Variants in SNTG1 observed in about 807,000 individuals in gnomAD.
SNTG1 encodes the protein syntrophin gamma 1.
Under a neutral mutation model 74.7 loss-of-function variants are expected in SNTG1, and 39 were observed. The observed-to-expected ratio is 0.52, with a 90% CI of 0.40 to 0.68. The LOEUF (loss-of-function observed/expected upper bound fraction) is 0.68. SNTG1 is among the 30% of genes least tolerant of loss of function. The probability of loss-of-function intolerance (pLI) is 0.00; values close to 1 mark genes in which losing one functional copy is unlikely to be tolerated. For synonymous variants in SNTG1, 254 were observed against 217.1 expected, an observed-to-expected ratio of 1.17 and a Z score of -1.49; for missense variants, 685 against 609.5, an observed-to-expected ratio of 1.12 and a Z score of -1.30.
intron 2 of SNTG1, among the ~76,000 whole-genome samples, chr8:50,175,047 A>C (rs2131674796): frequency 6.6e-6 from 1 of 152,086 alleles, no homozygotes; most frequent in Non-Finnish European, 1.5e-5. Flanking sequence ...TGAACTCATC[A>C]TTTTTTATGG....
At chr8:50,187,162 A>G (rs1235257282) in intron 2 of SNTG1, among the ~76,000 whole-genome samples, 1 of 152,160 alleles carries the variant, frequency 6.6e-6, no homozygotes, top group African/African-American at 2.4e-5. Flanking sequence ...TTAGAAAAAA[A>G]CTATTTTAAA....
chr8:50,515,519 C>T (rs897532282), intron 9 of SNTG1, among the ~76,000 whole-genome samples: 2 of 151,658 alleles, frequency 1.3e-5, no homozygotes, highest in African/African-American at 2.4e-5. Context: ...GCAGATCCCA[C>T]CCCCACGGAC....
intron 1 of SNTG1, among the ~76,000 whole-genome samples, chr8:50,093,654 G>T (rs1029947540): frequency 2.0e-5 from 3 of 151,988 alleles, no homozygotes; most frequent in Admixed American, 1.3e-4. Flanking sequence ...ATGGTCCCTT[G>T]TAAGACCTAC....
At chr8:50,706,811 A>G (rs1049295620) in intron 16 of SNTG1, among the ~76,000 whole-genome samples, 12 of 152,050 alleles carry the variant, frequency 7.9e-5, no homozygotes, top group African/African-American at 2.9e-4. Flanking sequence ...TTTTTCTTCT[A>G]TATTCTTAAT....
intron 4 of SNTG1, among the ~76,000 whole-genome samples, chr8:50,414,223 G>A (rs1206881293): frequency 3.3e-5 from 5 of 152,150 alleles, no homozygotes; most frequent in African/African-American, 4.8e-5. Context: ...TTCAGGTGAA[G>A]GGGCTATTAG....
chr8:50,579,578 C>T (rs2094597026), intron 12 of SNTG1, among the ~76,000 whole-genome samples: 1 of 152,128 alleles, frequency 6.6e-6, no homozygotes, highest in African/African-American at 2.4e-5. Context: ...CTGCTATGTG[C>T]ATCCCTGGGG....
chr8:50,677,876 A>G (rs183173806), intron 15 of SNTG1, among the ~76,000 whole-genome samples: 62 of 152,088 alleles, frequency 4.1e-4, no homozygotes, highest in African/African-American at 1.4e-3. Context: ...GAAATTAACA[A>G]TATTTTAACT....
intron 8 of SNTG1, among the ~76,000 whole-genome samples, chr8:50,494,707 T>C (rs184291034): frequency 2.0e-5 from 3 of 152,108 alleles, no homozygotes; most frequent in Non-Finnish European, 4.4e-5. Context: ...TACCTAATAA[T>C]GTATTTTACT....
At chr8:50,421,816 G>A (rs2093091621) in intron 4 of SNTG1, among the ~76,000 whole-genome samples, 1 of 152,106 alleles carries the variant, frequency 6.6e-6, no homozygotes, top group African/African-American at 2.4e-5. Flanking sequence ...ATACCTGGGA[G>A]CCTTCAGAAT....
intron 8 of SNTG1, among the ~76,000 whole-genome samples, chr8:50,494,596 A>C (rs2093887445): frequency 6.6e-6 from 1 of 152,082 alleles, no homozygotes; most frequent in Non-Finnish European, 1.5e-5. Context: ...ATTTGGCCAC[A>C]TAACAATCAA....
intron 1 of SNTG1, among the ~76,000 whole-genome samples, chr8:49,993,413 A>G (rs534801397): frequency 6.7e-6 from 1 of 148,810 alleles, no homozygotes; most frequent in South Asian, 2.1e-4. Flanking sequence ...ATTTTACTCT[A>G]AGTTCTGGGA....
At chr8:50,321,955 TAA>T (rs2090548796) in intron 2 of SNTG1, among the ~76,000 whole-genome samples, 1 of 152,176 alleles carries the variant, frequency 6.6e-6, no homozygotes, top group South Asian at 2.1e-4. Flanking sequence ...TCTTTCTACT[TAA>T]GAGTAGTTTA....
At chr8:50,269,683 T>C (rs185693240) in intron 2 of SNTG1, among the ~76,000 whole-genome samples, 7 of 152,238 alleles carry the variant, frequency 4.6e-5, no homozygotes, top group Non-Finnish European at 1.0e-4. Flanking sequence ...CTTTTAGTAC[T>C]GACCACGTAC....
intron 2 of SNTG1, among the ~76,000 whole-genome samples, chr8:50,373,223 TC>T (rs2092307679): frequency 6.6e-6 from 1 of 152,232 alleles, no homozygotes; most frequent in South Asian, 2.1e-4. Flanking sequence ...AAATTGTAAT[TC>T]TTTTTGGTTA....
chr8:50,493,759 A>T (rs1176152902), intron 8 of SNTG1, among the ~76,000 whole-genome samples: 2 of 150,690 alleles, frequency 1.3e-5, no homozygotes, highest in African/African-American at 4.8e-5. Context: ...TTTTACTTCT[A>T]TATATTGAGA....
chr8:49,945,455 C>T (rs1430541562), intron 1 of SNTG1, among the ~76,000 whole-genome samples: 1 of 152,174 alleles, frequency 6.6e-6, no homozygotes, highest in African/African-American at 2.4e-5. Context: ...ATTCATTTAA[C>T]CTTTCGTCAT....
intron 12 of SNTG1, among the ~76,000 whole-genome samples, chr8:50,556,337 G>A (rs2094455449): frequency 6.6e-6 from 1 of 152,102 alleles, no homozygotes; most frequent in African/African-American, 2.4e-5. Flanking sequence ...GTTGTGGGGT[G>A]GGTGGGGTTC....
At chr8:50,195,258 T>G (rs1410685326) in intron 2 of SNTG1, among the ~76,000 whole-genome samples, 1 of 151,848 alleles carries the variant, frequency 6.6e-6, no homozygotes, top group Non-Finnish European at 1.5e-5. Context: ...ACAGCTCCCA[T>G]GCAAACCTAA....
At chr8:50,305,662 T>C (rs796126463) in intron 2 of SNTG1, among the ~76,000 whole-genome samples, 5 of 152,148 alleles carry the variant, frequency 3.3e-5, no homozygotes, top group African/African-American at 1.2e-4. Context: ...TCACTTTGTC[T>C]GTTACTTTTT....
Sources: allele counts gnomAD v4.1 joint callset (sites outside exome capture counted in the v4.1 genomes callset), GRCh38; gene constraint gnomAD v4.1.1; transcripts MANE v1.5; gene names NCBI Gene and HGNC (gene_info 2026-07-23, HGNC 2026-07-21).